The following LIFR variants were observed in gnomAD, a reference collection of about 807,000 sequenced individuals.
LIFR encodes the protein LIF receptor subunit alpha, also known as leukemia inhibitory factor receptor.
Under a neutral mutation model 122.2 loss-of-function variants are expected in LIFR, and 84 were observed. The observed-to-expected ratio is 0.69, with a 90% CI of 0.58 to 0.82. The LOEUF is 0.82. LIFR is among the 40% of genes least tolerant of loss of function. LIFR has a pLI of 0.00. For synonymous variants in LIFR, 422 were observed against 434.7 expected (o/e 0.97, Z 0.36); for missense variants, 1,294 against 1,311.6 (o/e 0.99, Z 0.21).
intron 12 of LIFR, among the ~76,000 whole-genome samples, chr5:38,498,117 C>T (rs1744983818): frequency 6.6e-6 from 1 of 152,170 alleles, no homozygotes; most frequent in African/African-American, 2.4e-5. Flanking sequence ...TGATCTAACA[C>T]TGCGAAACAC....
chr5:38,584,546 A>G (rs950060468), intron 1 of LIFR, among the ~76,000 whole-genome samples: 1 of 152,192 alleles, frequency 6.6e-6, no homozygotes, highest in Non-Finnish European at 1.5e-5. Context: ...AAAAAGAAAG[A>G]GATCCTAATG....
intron 16 of LIFR, among the ~76,000 whole-genome samples, 192 bp downstream of exon 16, chr5:38,488,886 A>G (rs1404516300): frequency 6.6e-6 from 1 of 152,228 alleles, no homozygotes; most frequent in East Asian, 1.9e-4. Context: ...CTGAAAGACT[A>G]TACATGTCAT....
intron 7 of LIFR, among the ~76,000 whole-genome samples, chr5:38,509,551 A>C (rs1002745432): frequency 2.0e-5 from 3 of 152,296 alleles, no homozygotes; most frequent in Admixed American, 2.0e-4. Context: ...TCTAGACCAC[A>C]GCTGAGAATC....
At chr5:38,607,871 T>C (rs1412967650) in intron 1 of LIFR, 1 of 152,168 alleles carries the variant, frequency 6.6e-6, no homozygotes, top group Non-Finnish European at 1.5e-5. Flanking sequence ...GTCAGAAACT[T>C]GGATTTAATT....
In LIFR at chr5:38,485,567, C is replaced by T. The variant is rs574541351; in HGVS notation, c.2497+252G>A. On this transcript the variant is annotated intron_variant, in intron 17 of 19. Transcript: ENST00000453190. ...AGATAAATTCAATATGACTTTAGAC[C>T]TCTAGACTTCAGATGTATCCCAAAT... The T allele has an allele frequency of 6.5e-4, 357 of 550,326 alleles. 4 individuals carry two copies. The South Asian group carries it at 7.1e-3, about 11-fold the overall frequency. 34.1% of individuals were successfully genotyped at this position (550,326 alleles called of 1,614,324 possible).
chr5:38,535,029 C>T (rs79767527), intron 1 of LIFR, among the ~76,000 whole-genome samples: 1,829 of 152,260 alleles, frequency 0.012, 31 homozygotes, highest in African/African-American at 0.04. Context: ...TATCACCTTC[C>T]GTGTACCCAT....
intron 3 of LIFR, among the ~76,000 whole-genome samples, 184 bp from the exon 4 acceptor site, chr5:38,527,478 T>A (rs150742915): frequency 6.6e-6 from 1 of 152,156 alleles, no homozygotes; most frequent in African/African-American, 2.4e-5. Flanking sequence ...AATGTGGGGG[T>A]AGGAAAAACA....
At chr5:38,543,114 T>C (rs1033232618) in intron 1 of LIFR, among the ~76,000 whole-genome samples, 3 of 151,826 alleles carry the variant, frequency 2.0e-5, no homozygotes, top group South Asian at 2.1e-4. Context: ...GAAATATAAA[T>C]AGGCAATAAA....
At chr5:38,532,049 C>G (rs1028839423) in intron 1 of LIFR, among the ~76,000 whole-genome samples, 4 of 152,188 alleles carry the variant, frequency 2.6e-5, no homozygotes, top group Non-Finnish European at 4.4e-5. Flanking sequence ...AATTATACAA[C>G]TGTACAAGAA....
At chr5:38,517,053 G>A (rs1746121551) in intron 5 of LIFR, among the ~76,000 whole-genome samples, 1 of 151,988 alleles carries the variant, frequency 6.6e-6, no homozygotes, top group South Asian at 2.1e-4. Context: ...ATCGGGGCCT[G>A]TCAGGGATGG....
At position 38,579,793 on chromosome 5, in the gene LIFR, T is replaced by C. The variant is rs78319162; in HGVS notation, c.-20+15468A>G. On this transcript the variant is annotated intron_variant, in intron 1 of 19. Coordinates refer to the LIFR transcript ENST00000263409. ...TAATAAACTCTGTGTAGCTTTGAGC[T>C]ATTCGTGTGTTTTTAAAAATGTGAT... 6.9e-3 allele frequency among the ~76,000 whole-genome samples: 1,056 copies of C among 152,344 alleles called. 17 individuals carry two copies. The highest frequency in any genetic ancestry group is 0.024 in the African/African-American group (996 of 41,568).
intron 1 of LIFR, among the ~76,000 whole-genome samples, chr5:38,565,019 C>G (rs1207042071): frequency 6.6e-6 from 1 of 152,132 alleles, no homozygotes; most frequent in African/African-American, 2.4e-5. Flanking sequence ...AGCAATCCAT[C>G]CACCTTGGCC....
At chr5:38,491,543 G>C (rs1192862766) in intron 14 of LIFR, among the ~76,000 whole-genome samples, 3 of 152,306 alleles carry the variant, frequency 2.0e-5, no homozygotes, top group East Asian at 1.9e-4. Context: ...GGACACGCAG[G>C]GGGGATTGGC....
rs3797158 is a variant in LIFR, at chr5:38,491,731, A to G, written c.2066-1440T>C. ...ACTGAATCAACTTGTCTAAAATATT[A>G]ACTTTTCTTCTTGTAATCACTTTCC... is the stretch of plus-strand genomic sequence containing the variant. On this transcript the variant is annotated intron_variant, in intron 14 of 19. Transcript: ENST00000453190. 0.012 allele frequency among the ~76,000 whole-genome samples: 1,858 copies of G among 152,336 alleles called. 188 individuals carry two copies. The East Asian group carries it at 0.25, about 21-fold the overall frequency.
At chr5:38,567,496 G>GTATTTATTTATTTATTTATTTATTTATT (rs56285132) in intron 1 of LIFR, among the ~76,000 whole-genome samples, 5 of 132,882 alleles carry the variant, frequency 3.8e-5, no homozygotes, top group African/African-American at 8.4e-5. Context: ...TGACCATTCT[G>GTATTTATTTATTTATTTATTTATTTATT]TATTTATTTA....
chr5:38,491,538 C>T (rs1190749416), intron 14 of LIFR, among the ~76,000 whole-genome samples: 9 of 152,134 alleles, frequency 5.9e-5, no homozygotes, highest in Admixed American at 2.0e-4. Flanking sequence ...CCGGGGGACA[C>T]GCAGGGGGGA....
At chr5:38,498,033 T>A (rs570578170) in intron 12 of LIFR, among the ~76,000 whole-genome samples, 2 of 152,340 alleles carry the variant, frequency 1.3e-5, no homozygotes, top group South Asian at 4.1e-4. Flanking sequence ...TCTTCATTTA[T>A]ACTGAACTGC....
In LIFR at chr5:38,481,304, G is replaced by C; in HGVS notation, c.*291C>G. The C allele has an allele frequency of 2.1e-6, 1 of 475,716 alleles. No homozygotes were observed. Among genetic ancestry groups the C allele is most frequent in the Non-Finnish European group, 3.8e-6 (1 of 262,630 alleles). The allele number at this position is 475,716 out of a possible 1,614,324, so 29.5% of individuals were successfully genotyped here. ...TTTGTTTTACATGTACGTACAAGTAGGTATTAGCCTTGAAATGCTTCTTGA... is the reference window on the plus strand; with the variant it reads ...TTTGTTTTACATGTACGTACAAGTACGTATTAGCCTTGAAATGCTTCTTGA... On this transcript the variant is annotated 3_prime_UTR_variant, in exon 20 of 20. Coordinates refer to ENST00000453190, the MANE Select transcript of LIFR (RefSeq NM_001127671.2).
Position 38,475,896 on chromosome 5 carries a change from A to G in LIFR, c.*5699T>C, listed in dbSNP as rs768004410. 5.2e-6 allele frequency: 1 copy of G among 191,456 alleles called. No individual in the cohort carries two copies. Among genetic ancestry groups the G allele is most frequent in the Non-Finnish European group, 1.1e-5 (1 of 91,246 alleles). The allele number at this position is 191,456 out of a possible 1,614,324, so 11.9% of individuals were successfully genotyped here. A position where few individuals can be genotyped will look rare whatever the true frequency, so the allele number is the denominator to read the frequency against. The stretch of plus-strand genomic sequence containing the variant: ...TCTAGGATGTCTATCTATCCAGGCC[A>G]ATCTTTTGCAAGCAATTCTGAATTT... On this transcript the variant is annotated 3_prime_UTR_variant, in exon 20 of 20. Coordinates refer to ENST00000453190, the MANE Select transcript of LIFR (RefSeq NM_001127671.2).
Sources: gnomAD v4.1 joint callset for allele counts (sites outside exome capture counted in the v4.1 genomes callset) on GRCh38, gnomAD v4.1.1 for gene constraint, MANE v1.5 for transcripts, NCBI Gene and HGNC (gene_info 2026-07-23, HGNC 2026-07-21) for gene names.